The following MTFR1 variants were observed in gnomAD, a reference collection of about 807,000 sequenced individuals.
MTFR1 encodes mitochondrial fission regulator 1.
In MTFR1, 28 loss-of-function variants were observed where a neutral mutation model predicts 38.8. The observed-to-expected ratio is 0.72, with a 90% CI of 0.53 to 0.99. The LOEUF (loss-of-function observed/expected upper bound fraction) is 0.99, where lower values mean the gene tolerates loss of function less well. Ranked by LOEUF, MTFR1 falls within the 50% of genes least tolerant of loss-of-function variation. MTFR1 has a pLI of 0.00. For synonymous variants in MTFR1, 145 were observed against 137.0 expected (o/e 1.06, Z -0.41); for missense variants, 358 against 395.5 (o/e 0.91, Z 0.81).
chr8:65,665,185 A>G (rs553363335), intron 1 of MTFR1, among the ~76,000 whole-genome samples: 22 of 151,118 alleles, frequency 1.5e-4, no homozygotes, highest in African/African-American at 5.3e-4. Flanking sequence ...CGCCCACCTC[A>G]GCCTCCCAAA....
At chr8:65,740,492 C>T (rs1481125414) in intron 3 of MTFR1, among the ~76,000 whole-genome samples, 1 of 152,116 alleles carries the variant, frequency 6.6e-6, no homozygotes, top group Admixed American at 6.5e-5. Context: ...CCTCCACCTC[C>T]TGAGTTCAAG....
intron 3 of MTFR1, among the ~76,000 whole-genome samples, chr8:65,738,824 T>C (rs1437066185): frequency 6.6e-6 from 1 of 152,260 alleles, no homozygotes. Context: ...TTTAAAGTTT[T>C]AGCCTTCAAA....
At chr8:65,777,268 G>A in the MTFR1 span, among the ~76,000 whole-genome samples, 25 of 151,724 alleles carry the variant, frequency 1.6e-4, no homozygotes, top group Non-Finnish European at 2.6e-4. Flanking sequence ...TAGTAGAGAC[G>A]GGGTTTCTCT....
chr8:65,674,714 T>A (rs1804663181), intron 2 of MTFR1, among the ~76,000 whole-genome samples: 8 of 152,204 alleles, frequency 5.3e-5, no homozygotes, highest in African/African-American at 1.9e-4. Context: ...TGGCTCATTG[T>A]CTTTGACTCT....
chr8:65,742,364 G>A (rs1179303939), intron 3 of MTFR1, among the ~76,000 whole-genome samples: 9 of 152,088 alleles, frequency 5.9e-5, no homozygotes, highest in African/African-American at 1.9e-4. Flanking sequence ...TTGCTATGTC[G>A]CATCACTTAA....
At chr8:65,759,516 G>T (rs575244003) in intron 3 of MTFR1, among the ~76,000 whole-genome samples, 31 of 152,274 alleles carry the variant, frequency 2.0e-4, no homozygotes, top group African/African-American at 7.2e-4. Context: ...CACCCAAGCT[G>T]TCCTGCCAAA....
At chr8:65,731,966 A>G (rs2128895888) in intron 3 of MTFR1, among the ~76,000 whole-genome samples, 2 of 151,170 alleles carry the variant, frequency 1.3e-5, no homozygotes, top group East Asian at 1.9e-4. Context: ...GTCATTCTCT[A>G]TATTATTATT....
chr8:65,707,333 T>C (rs751812246), intron 6 of MTFR1, 77 bp downstream of exon 6: 1 of 1,477,620 alleles, frequency 6.8e-7, no homozygotes, highest in Non-Finnish European at 9.2e-7. Flanking sequence ...TTGAGGAATT[T>C]TGTTTATAAC....
At chr8:65,692,895 T>G (rs1386017859) in intron 3 of MTFR1, among the ~76,000 whole-genome samples, 3 of 148,174 alleles carry the variant, frequency 2.0e-5, no homozygotes, top group Non-Finnish European at 4.5e-5. Context: ...GCTTGTTCTT[T>G]TTTTTTTTTT....
At chr8:65,647,873 C>G (rs1809004753) in intron 1 of MTFR1, among the ~76,000 whole-genome samples, 2 of 151,950 alleles carry the variant, frequency 1.3e-5, no homozygotes, top group Admixed American at 6.6e-5. Context: ...AAGGTGATAA[C>G]AGTTTTAGTT....
chr8:65,723,385 A>C, intron 3 of MTFR1: 1 of 604,616 alleles, frequency 1.7e-6, no homozygotes, highest in Non-Finnish European at 2.4e-6. Flanking sequence ...GAATTAGAAG[A>C]GCCATAACAA....
the MTFR1 span, among the ~76,000 whole-genome samples, chr8:65,777,472 A>G: frequency 6.6e-6 from 1 of 152,186 alleles, no homozygotes; most frequent in Non-Finnish European, 1.5e-5. Context: ...GTCAAAATAT[A>G]TTAATTCTCC....
At chr8:65,668,478 G>A (rs564756121) in intron 1 of MTFR1, among the ~76,000 whole-genome samples, 3 of 144,352 alleles carry the variant, frequency 2.1e-5, no homozygotes, top group South Asian at 4.4e-4. Context: ...ATGAGCCACC[G>A]CACCCAGCCT....
chr8:65,758,450 G>A (rs1199352763), intron 3 of MTFR1, among the ~76,000 whole-genome samples: 2 of 152,204 alleles, frequency 1.3e-5, no homozygotes, highest in East Asian at 3.9e-4. Flanking sequence ...CTTCTCCCTT[G>A]GCAAGAATTT....
chr8:65,772,554 T>C (rs943455438), downstream of MTFR1, among the ~76,000 whole-genome samples: 11 of 152,112 alleles, frequency 7.2e-5, no homozygotes, highest in Non-Finnish European at 1.3e-4. Context: ...TGCCTCCAGG[T>C]AAATAAACTA....
At chr8:65,663,754 C>T (rs2129049735) in intron 1 of MTFR1, among the ~76,000 whole-genome samples, 1 of 149,344 alleles carries the variant, frequency 6.7e-6, no homozygotes, top group East Asian at 2.0e-4. Context: ...AGTTTCTTTC[C>T]CCCTCCCCTT....
intron 3 of MTFR1, among the ~76,000 whole-genome samples, chr8:65,693,353 G>T (rs1470205340): frequency 1.3e-5 from 2 of 151,104 alleles, no homozygotes; most frequent in Non-Finnish European, 2.9e-5. Flanking sequence ...GTGAGCCAAA[G>T]ATAGAGCCAC....
intron 2 of MTFR1, chr8:65,719,358 T>G: frequency 6.2e-7 from 1 of 1,614,180 alleles, no homozygotes; most frequent in Non-Finnish European, 8.5e-7. Flanking sequence ...GTGTCCTCAC[T>G]GCTCGACTGT....
At chr8:65,712,808 C>A (rs1805989253), downstream of MTFR1, among the ~76,000 whole-genome samples, 1 of 152,116 alleles carries the variant, frequency 6.6e-6, no homozygotes, top group Non-Finnish European at 1.5e-5. Context: ...GTTCTAACAG[C>A]CTGAGTGGAC....
Sources: gnomAD v4.1 joint callset for allele counts (sites outside exome capture counted in the v4.1 genomes callset) on GRCh38, gnomAD v4.1.1 for gene constraint, MANE v1.5 for transcripts, NCBI Gene and HGNC (gene_info 2026-07-23, HGNC 2026-07-21) for gene names.